The following TRMT10B variants were observed in gnomAD, a reference collection of about 807,000 sequenced individuals.
TRMT10B encodes the protein tRNA methyltransferase 10B.
Under a neutral mutation model 43.8 loss-of-function variants are expected in TRMT10B, and 33 were observed. The ratio of observed to expected loss-of-function variants is 0.75; its 90% CI spans 0.57 to 1.01. TRMT10B has a LOEUF of 1.01. Ranked by LOEUF, TRMT10B falls within the 50% of genes least tolerant of loss-of-function variation. The probability of loss-of-function intolerance (pLI) is 0.00; values close to 1 mark genes in which losing one functional copy is unlikely to be tolerated. For missense variants in TRMT10B, 362 were observed against 369.8 expected (o/e 0.98, Z 0.17); for synonymous variants, 137 against 130.6 (o/e 1.05, Z -0.34).
At chr9:37,770,599 T>C (rs926332347) in intron 6 of TRMT10B, 73 bp from the exon 7 acceptor site, 1 of 1,345,460 alleles carries the variant, frequency 7.4e-7, no homozygotes, top group South Asian at 1.3e-5. Flanking sequence ...TTAATAATTC[T>C]TTCATTTTGC....
intron 1 of TRMT10B, among the ~76,000 whole-genome samples, chr9:37,760,048 A>T (rs1362757596): frequency 6.6e-6 from 1 of 152,050 alleles, no homozygotes; most frequent in Non-Finnish European, 1.5e-5. Context: ...ATAATAGGCC[A>T]GGTGCGGTGG....
chr9:37,754,318 T>C (rs1825359598), intron 1 of TRMT10B, among the ~76,000 whole-genome samples: 1 of 152,186 alleles, frequency 6.6e-6, no homozygotes, highest in South Asian at 2.1e-4. Flanking sequence ...GAAGGTAGTC[T>C]GTGAGTGTCT....
chr9:37,770,705 T>A lies in TRMT10B; in HGVS notation c.686T>A (p.Ile229Asn), dbSNP rs1468532174. The change falls in exon 7 of 9, where the codon ATC (isoleucine) becomes AAC (asparagine). Residue 229 changes from isoleucine (I) to asparagine (N), a missense_variant. Ile to Asn is a moderately radical substitution (Grantham distance 149). Transcript: ENST00000297994. ...GATGTTGATCTAAACAAAGTTTACATCCTCGGTGGGCTTGTGGATGAAAGC... is the reference window on the plus strand; with the variant it reads ...GATGTTGATCTAAACAAAGTTTACAACCTCGGTGGGCTTGTGGATGAAAGC... ...LEDVDLNKVY[I>N]LGGLVDESIQ... 6.2e-7 allele frequency: 1 copy of A among 1,614,072 alleles called. No homozygotes were observed.
In TRMT10B at chr9:37,762,675, A is replaced by T. The variant is rs774323152; in HGVS notation, c.285A>T (p.Ala95=). 2 of 1,582,562 alleles carry T rather than the reference A, an allele frequency of 1.3e-6. No homozygotes were observed. The highest frequency in any genetic ancestry group is 2.7e-5 in the African/African-American group (2 of 74,598). Reference sequence around the variant, plus strand: ...AAGAACGAAGAAAAGCCAATCGTGCAGAAAATCCAGGTGACAATAAATGAG... The same window carrying T: ...AAGAACGAAGAAAAGCCAATCGTGCTGAAAATCCAGGTGACAATAAATGAG... ...QEKERRKANR[A]ENPGICPQHS... Residue 95 remains alanine (A), a synonymous_variant, in exon 3 of 9, where the codon GCA becomes GCT. Coordinates refer to ENST00000297994, the MANE Select transcript of TRMT10B (RefSeq NM_144964.4).
Position 37,770,727 on chromosome 9 carries a change from A to G in TRMT10B, c.708A>G (p.Glu236=). 2 of 1,613,924 alleles carry G rather than the reference A, an allele frequency of 1.2e-6. No homozygotes were observed. The highest frequency in any genetic ancestry group is 1.7e-6 in the Non-Finnish European group (2 of 1,180,004). The change falls in exon 7 of 9, where the codon GAA becomes GAG. Residue 236 remains glutamate (E), a synonymous_variant. Transcript: ENST00000297994. The part of the protein sequence containing the change: ...KVYILGGLVD[E]SIQKKVTFQK... Reference sequence around the variant, plus strand: ...ACATCCTCGGTGGGCTTGTGGATGAAAGCATTCAGAAGGTAAGTATACATT... The same window carrying G: ...ACATCCTCGGTGGGCTTGTGGATGAGAGCATTCAGAAGGTAAGTATACATT...
At chr9:37,755,959 C>A (rs1204337191) in intron 1 of TRMT10B, among the ~76,000 whole-genome samples, 1 of 152,160 alleles carries the variant, frequency 6.6e-6, no homozygotes, top group East Asian at 1.9e-4. Context: ...CACAGACTTT[C>A]CAATTTTTGA....
intron 8 of TRMT10B, 140 bp downstream of exon 8, chr9:37,776,545 C>A: frequency 1.8e-6 from 2 of 1,085,402 alleles, no homozygotes; most frequent in Non-Finnish European, 2.5e-6. Flanking sequence ...GACATATATT[C>A]TGGCCACTAA....
chr9:37,763,155 A>AAC (rs1234469791), intron 3 of TRMT10B, among the ~76,000 whole-genome samples: 13 of 147,064 alleles, frequency 8.8e-5, no homozygotes, highest in African/African-American at 3.1e-4. Context: ...AAAAAAAAAA[A>AAC]AAAAAAAAAA....
intron 1 of TRMT10B, among the ~76,000 whole-genome samples, chr9:37,754,323 G>A (rs558955798): frequency 1.3e-5 from 2 of 152,346 alleles, no homozygotes; most frequent in South Asian, 4.1e-4. Context: ...TAGTCTGTGA[G>A]TGTCTTAGGG....
intron 5 of TRMT10B, chr9:37,769,691 G>T: frequency 2.2e-6 from 1 of 462,858 alleles, no homozygotes; most frequent in Non-Finnish European, 3.9e-6. Flanking sequence ...TCTGCCTCCT[G>T]GGCTCAAGCC....
chr9:37,755,268 CTTTT>C (rs61444533), intron 1 of TRMT10B, among the ~76,000 whole-genome samples: 51 of 124,456 alleles, frequency 4.1e-4, no homozygotes, highest in African/African-American at 1.1e-3. Context: ...AAGACTCCGT[CTTTT>C]TTTTTTTTTT....
At position 37,777,945 on chromosome 9, in the gene TRMT10B, C is replaced by A; in HGVS notation, c.*238C>A. ...ACTTGAACTCGGGAGGCGAAGGTTG[C>A]AGTGAGCCGAGATTTCACCAGTGCA... On this transcript the variant is annotated 3_prime_UTR_variant, in exon 9 of 9. Transcript: ENST00000297994. The A allele has an allele frequency of 2.8e-6, 1 of 361,836 alleles. No homozygotes were observed. Among genetic ancestry groups the A allele is most frequent in the Non-Finnish European group, 5.3e-6 (1 of 190,414 alleles). 22.4% of individuals were successfully genotyped at this position (361,836 alleles called of 1,614,324 possible).
At chr9:37,760,414 A>G (rs971944173) in intron 1 of TRMT10B, among the ~76,000 whole-genome samples, 3 of 152,242 alleles carry the variant, frequency 2.0e-5, no homozygotes, top group African/African-American at 7.2e-5. Context: ...AGTCCTAGCT[A>G]CATGGGAGGC....
chr9:37,769,701 C>T, intron 5 of TRMT10B: 1 of 483,872 alleles, frequency 2.1e-6, no homozygotes, highest in Non-Finnish European at 3.8e-6. Context: ...GGGCTCAAGC[C>T]ATCCTGCCAC....
upstream of TRMT10B, among the ~76,000 whole-genome samples, chr9:37,753,358 C>G (rs1460202329): frequency 6.6e-6 from 1 of 152,208 alleles, no homozygotes; most frequent in African/African-American, 2.4e-5. Context: ...GGCCTAAACT[C>G]CGCAAGGGAT....
chr9:37,770,213 G>A (rs1464828831), intron 6 of TRMT10B, among the ~76,000 whole-genome samples, 194 bp downstream of exon 6: 2 of 152,200 alleles, frequency 1.3e-5, no homozygotes, highest in Non-Finnish European at 2.9e-5. Flanking sequence ...ATGGCTCACA[G>A]CTGCAGACTT....
At chr9:37,765,247 C>G (rs182666026) in intron 4 of TRMT10B, among the ~76,000 whole-genome samples, 2 of 152,144 alleles carry the variant, frequency 1.3e-5, no homozygotes, top group African/African-American at 2.4e-5. Context: ...TCCTTCCCCC[C>G]GTCCCCCGAC....
chr9:37,767,944 C>T (rs1258596736), intron 4 of TRMT10B, 132 bp from the exon 5 acceptor site: 17 of 851,230 alleles, frequency 2.0e-5, no homozygotes, highest in South Asian at 1.9e-4. Flanking sequence ...GTATAATACA[C>T]GCACACATGT....
intron 4 of TRMT10B, among the ~76,000 whole-genome samples, 194 bp from the exon 5 acceptor site, chr9:37,767,880 ACT>A (rs1416970852): frequency 2.6e-5 from 4 of 152,096 alleles, no homozygotes; most frequent in African/African-American, 9.7e-5. Flanking sequence ...CCACTACCTC[ACT>A]GTTTCTGGAC....
Sources: allele counts gnomAD v4.1 joint callset (sites outside exome capture counted in the v4.1 genomes callset), GRCh38; gene constraint gnomAD v4.1.1; transcripts MANE v1.5; gene names NCBI Gene and HGNC (gene_info 2026-07-23, HGNC 2026-07-21).